The following PPP4R4 variants were observed in gnomAD, a reference collection of about 807,000 sequenced individuals.
The protein encoded by PPP4R4 is protein phosphatase 4 regulatory subunit 4.
Under a neutral mutation model 121.8 loss-of-function variants are expected in PPP4R4, and 70 were observed. The ratio of observed to expected loss-of-function variants is 0.57; its 90% CI spans 0.47 to 0.70. The LOEUF (loss-of-function observed/expected upper bound fraction) is 0.70. Ranked by LOEUF, PPP4R4 falls within the 30% of genes least tolerant of loss-of-function variation. The pLI is 0.00. For missense variants in PPP4R4, 875 were observed against 1,033.6 expected, an observed-to-expected ratio of 0.85 and a Z score of 2.10; for synonymous variants, 348 against 355.7, an observed-to-expected ratio of 0.98 and a Z score of 0.24.
At chr14:94,216,807 G>A (rs1414790545) in intron 3 of PPP4R4, among the ~76,000 whole-genome samples, 1 of 152,160 alleles carries the variant, frequency 6.6e-6, no homozygotes, top group African/African-American at 2.4e-5. Flanking sequence ...AAGAGAGGTA[G>A]AAAACCCTCA....
chr14:94,242,028 C>A (rs1475887213), intron 10 of PPP4R4, 71 bp downstream of exon 10: 6 of 1,398,162 alleles, frequency 4.3e-6, no homozygotes, highest in African/African-American at 1.5e-5. Flanking sequence ...AGATGGCATT[C>A]AAAATATTGC....
intron 24 of PPP4R4, among the ~76,000 whole-genome samples, chr14:94,278,116 C>T (rs1309281514): frequency 6.6e-6 from 1 of 152,142 alleles, no homozygotes; most frequent in Non-Finnish European, 1.5e-5. Flanking sequence ...TAAAATAAGC[C>T]TATGAGGTGA....
chr14:94,225,092 G>T (rs1891623113), intron 3 of PPP4R4, among the ~76,000 whole-genome samples: 1 of 152,032 alleles, frequency 6.6e-6, no homozygotes, highest in African/African-American at 2.4e-5. Flanking sequence ...AAATAGAAAT[G>T]TTGGGGTTAA....
At chr14:94,244,790 C>G in intron 12 of PPP4R4, 78 bp downstream of exon 12, 1 of 1,348,414 alleles carries the variant, frequency 7.4e-7, no homozygotes, top group Non-Finnish European at 9.7e-7. Flanking sequence ...TCCCCTTCTT[C>G]TTGGAATCGT....
At chr14:94,242,531 A>T in intron 11 of PPP4R4, 123 bp downstream of exon 11, 1 of 983,560 alleles carries the variant, frequency 1.0e-6, no homozygotes, top group Non-Finnish European at 1.4e-6. Context: ...TCTAGTCTTA[A>T]ATCTTGTTTA....
intron 2 of PPP4R4, among the ~76,000 whole-genome samples, chr14:94,176,509 A>G (rs1314051548): frequency 6.6e-6 from 1 of 152,212 alleles, no homozygotes; most frequent in Non-Finnish European, 1.5e-5. Flanking sequence ...GGGATCTACT[A>G]TACGGAAAAA....
At chr14:94,205,510 T>A (rs551326677) in intron 2 of PPP4R4, among the ~76,000 whole-genome samples, 101 of 151,774 alleles carry the variant, frequency 6.7e-4, no homozygotes, top group African/African-American at 2.3e-3. Context: ...TCCTTTTATT[T>A]TTTCTATTTT....
chr14:94,256,403 G>C (rs985608515), intron 16 of PPP4R4, 57 bp from the exon 17 acceptor site: 1 of 1,407,168 alleles, frequency 7.1e-7, no homozygotes, highest in African/African-American at 1.5e-5. Context: ...TTTGTTTTAT[G>C]TTTCTGTTAT....
At chr14:94,225,604 C>G (rs1891652820) in intron 3 of PPP4R4, among the ~76,000 whole-genome samples, 1 of 152,178 alleles carries the variant, frequency 6.6e-6, no homozygotes, top group Admixed American at 6.5e-5. Flanking sequence ...TGCTGGGTCT[C>G]TAGGTCTCTA....
At position 94,240,751 on chromosome 14, in the gene PPP4R4, T is replaced by C. The variant is rs768273919; in HGVS notation, c.932T>C (p.Ile311Thr). Residue 311 changes from isoleucine (I) to threonine (T), a missense_variant, in exon 9 of 25, where the codon ATT becomes ACT. Coordinates refer to ENST00000304338, the MANE Select transcript of PPP4R4 (RefSeq NM_058237.2). ...TTCAAAGCAGATGAATCAATTCTTA[T>C]TTCTTTATCTTTCCATTTAGGAAAA... Reference protein sequence around the residue: ...KSFKADESILISLSFHLGKLC... With the variant: ...KSFKADESILTSLSFHLGKLC... 2.5e-6 allele frequency: 4 copies of C among 1,606,326 alleles called. No individual in the cohort carries two copies. In the South Asian group the frequency reaches 4.4e-5, roughly 18 times the overall value.
chr14:94,267,002 G>A lies in PPP4R4; in HGVS notation c.2422G>A (p.Gly808Arg). Residue 808 changes from glycine to arginine, a missense_variant, in exon 23 of 25, where the codon GGA becomes AGA. Physicochemically the swap from Gly to Arg is moderately radical, Grantham distance 125. Coordinates refer to ENST00000304338, the MANE Select transcript of PPP4R4 (RefSeq NM_058237.2). Reference sequence around the variant, plus strand: ...ATATACAACTTCTGTCTCAGGGTTAGGAAAGACTTCTGTGCTTTCACTAGC... The same window carrying A: ...ATATACAACTTCTGTCTCAGGGTTAAGAAAGACTTCTGTGCTTTCACTAGC... The part of the protein sequence containing the change: ...TGYTTSVSGL[G>R]KTSVLSLADD... 6.3e-7 allele frequency: 1 copy of A among 1,598,802 alleles called. No individual in the cohort carries two copies. The highest frequency in any genetic ancestry group is 8.6e-7 in the Non-Finnish European group (1 of 1,168,248).
At chr14:94,193,934 T>A (rs1395982951) in intron 2 of PPP4R4, among the ~76,000 whole-genome samples, 1 of 152,210 alleles carries the variant, frequency 6.6e-6, no homozygotes, top group Non-Finnish European at 1.5e-5. Context: ...AAAACATCCT[T>A]GGATTACAGG....
At chr14:94,193,674 A>C (rs1889719596) in intron 2 of PPP4R4, among the ~76,000 whole-genome samples, 3 of 152,270 alleles carry the variant, frequency 2.0e-5, no homozygotes, top group South Asian at 4.1e-4. Context: ...AAGAAGGTTA[A>C]TAGGTTAGAA....
At chr14:94,237,498 G>GTT in intron 7 of PPP4R4, 67 bp from the exon 8 acceptor site, 1 of 1,473,912 alleles carries the variant, frequency 6.8e-7, no homozygotes, top group African/African-American at 1.4e-5. Context: ...CCAGTCACTG[G>GTT]TTTTTAGTAA....
At chr14:94,180,487 C>T (rs184361676) in intron 2 of PPP4R4, among the ~76,000 whole-genome samples, 1 of 151,338 alleles carries the variant, frequency 6.6e-6, no homozygotes, top group Admixed American at 6.6e-5. Context: ...TTTTATGTTG[C>T]TTACTTTTAA....
chr14:94,218,662 GCACA>G lies in PPP4R4; in HGVS notation c.294+10106_294+10109del, dbSNP rs537467916. On this transcript the variant is annotated intron_variant, in intron 3 of 24. Coordinates refer to ENST00000304338, the MANE Select transcript of PPP4R4 (RefSeq NM_058237.2). ...CCTCACCTCTAGACACTGCGCGCGC[GCACA>G]CACACACACTCACCCCTAGACACTG... is the stretch of plus-strand genomic sequence containing the variant. Among the ~76,000 whole-genome samples the G allele has an allele frequency of 1.4e-3, 109 of 78,950 alleles. 3 individuals are homozygous for G. Among genetic ancestry groups the G allele is most frequent in the African/African-American group, 5.3e-3 (100 of 18,782 alleles). The allele number at this position is 78,950 out of a possible 152,430, so 51.8% of individuals were successfully genotyped here. A position where few individuals can be genotyped will look rare whatever the true frequency, so the allele number is the denominator to read the frequency against.
intron 2 of PPP4R4, among the ~76,000 whole-genome samples, chr14:94,182,013 G>A (rs1325513328): frequency 1.3e-5 from 2 of 152,170 alleles, no homozygotes; most frequent in Non-Finnish European, 2.9e-5. Flanking sequence ...AGTTGCAAGG[G>A]AGTAGAGAGT....
chr14:94,251,981 C>T, intron 16 of PPP4R4, 85 bp downstream of exon 16: 1 of 1,214,382 alleles, frequency 8.2e-7, no homozygotes, highest in Non-Finnish European at 1.1e-6. Context: ...TTTCCTTAGC[C>T]AATTAAAAAC....
chr14:94,256,081 C>T (rs931030563), intron 16 of PPP4R4, among the ~76,000 whole-genome samples: 1 of 152,192 alleles, frequency 6.6e-6, no homozygotes, highest in Non-Finnish European at 1.5e-5. Context: ...TTCAGTGGAA[C>T]CTTCAATGAC....
Sources: gnomAD v4.1 joint callset for allele counts (sites outside exome capture counted in the v4.1 genomes callset) on GRCh38, gnomAD v4.1.1 for gene constraint, MANE v1.5 for transcripts, NCBI Gene and HGNC (gene_info 2026-07-23, HGNC 2026-07-21) for gene names.